RGS12: variants seen among roughly 807,000 people sequenced by gnomAD.
RGS12 encodes the protein regulator of G-protein signaling 12.
RGS12 carries 66 observed loss-of-function variants against 120.1 expected under a neutral mutation model. That is an observed-to-expected ratio of 0.55 (90% CI 0.45 to 0.67). The LOEUF (loss-of-function observed/expected upper bound fraction) is 0.67. Among genes scored for constraint, RGS12 ranks in the 30% least tolerant of loss-of-function variants. The probability of loss-of-function intolerance (pLI) is 0.00; values close to 1 mark genes in which losing one functional copy is unlikely to be tolerated. For missense variants in RGS12, 1,859 were observed against 1,957.7 expected (o/e 0.95, Z 0.95); for synonymous variants, 827 against 804.7 (o/e 1.03, Z -0.47).
At chr4:3,298,488 A>C (rs1461897962) in intron 1 of RGS12, among the ~76,000 whole-genome samples, 1 of 152,100 alleles carries the variant, frequency 6.6e-6, no homozygotes, top group Non-Finnish European at 1.5e-5. Flanking sequence ...GTAGCTGGGA[A>C]CACAAGCATG....
At position 3,316,509 on chromosome 4, in the gene RGS12, C is replaced by G; in HGVS notation, c.339C>G (p.Leu113=). 6.2e-7 allele frequency: 1 copy of G among 1,614,084 alleles called. No individual in the cohort carries two copies. The highest frequency in any genetic ancestry group is 8.5e-7 in the Non-Finnish European group (1 of 1,180,026). Residue 113 remains leucine (L), a synonymous_variant, in exon 2 of 18, where the codon CTC becomes CTG. Transcript: ENST00000336727. ...ESCSSDEEGG[L]YEGKGWLKPK... ...GTTCCAGTGATGAAGAAGGGGGACT[C>G]TATGAAGGAAAAGGCTGGCTGAAGC...
At chr4:3,410,785 G>T (rs1169356518) in intron 4 of RGS12, among the ~76,000 whole-genome samples, 1 of 152,202 alleles carries the variant, frequency 6.6e-6, no homozygotes, top group African/African-American at 2.4e-5. Context: ...GTGAACCTAC[G>T]AGTGTCCGGG....
chr4:3,394,530 C>G (rs1719856744), intron 4 of RGS12, among the ~76,000 whole-genome samples: 1 of 152,186 alleles, frequency 6.6e-6, no homozygotes, highest in African/African-American at 2.4e-5. Context: ...TGAGAATACT[C>G]TATTAGGAAT....
At chr4:3,369,085 G>A (rs894228674) in intron 3 of RGS12, among the ~76,000 whole-genome samples, 4 of 152,120 alleles carry the variant, frequency 2.6e-5, no homozygotes, top group Admixed American at 2.6e-4. Context: ...AAGTGGAGGT[G>A]GCACCCCTTT....
At chr4:3,380,939 A>G (rs1026962059) in intron 3 of RGS12, among the ~76,000 whole-genome samples, 2 of 152,110 alleles carry the variant, frequency 1.3e-5, no homozygotes, top group Non-Finnish European at 2.9e-5. Flanking sequence ...GCAGGCTTGA[A>G]TTTCTCCCCA....
chr4:3,437,606 C>G (rs1724936175), intron 17 of RGS12, among the ~76,000 whole-genome samples: 1 of 152,152 alleles, frequency 6.6e-6, no homozygotes, highest in Admixed American at 6.5e-5. Context: ...AGGGCTAGCT[C>G]CTAGCCCTGG....
chr4:3,400,878 A>G (rs144055541), intron 4 of RGS12, among the ~76,000 whole-genome samples: 37 of 150,978 alleles, frequency 2.5e-4, no homozygotes, highest in Middle Eastern at 3.5e-3. Flanking sequence ...ATATTAGAAA[A>G]ATTCCTATTA....
At chr4:3,383,076 C>A (rs1050571010) in intron 3 of RGS12, among the ~76,000 whole-genome samples, 2 of 152,078 alleles carry the variant, frequency 1.3e-5, no homozygotes, top group Non-Finnish European at 2.9e-5. Context: ...GAAGGATTTG[C>A]ATTAATATAT....
chr4:3,420,210 A>G (rs1006418052), intron 9 of RGS12, among the ~76,000 whole-genome samples: 1 of 152,174 alleles, frequency 6.6e-6, no homozygotes, highest in African/African-American at 2.4e-5. Flanking sequence ...CTGTTGCCAC[A>G]GTTGGGGGTT....
At chr4:3,430,976 C>T (rs1724238604) in intron 17 of RGS12, 21 bp downstream of exon 17, 1 of 1,610,034 alleles carries the variant, frequency 6.2e-7, no homozygotes, top group East Asian at 2.2e-5. Context: ...GTTCTGATCC[C>T]TCCACCTTGG....
chr4:3,301,628 C>T (rs1413028126), intron 1 of RGS12, among the ~76,000 whole-genome samples: 1 of 127,592 alleles, frequency 7.8e-6, no homozygotes, highest in African/African-American at 3.4e-5. Context: ...GGTCCGAGGG[C>T]CGGGGATGGA....
At chr4:3,409,938 C>G (rs1219296086) in intron 4 of RGS12, among the ~76,000 whole-genome samples, 1 of 152,210 alleles carries the variant, frequency 6.6e-6, no homozygotes, top group Non-Finnish European at 1.5e-5. Flanking sequence ...ATCACTGTCC[C>G]CCAGGGTGAA....
Position 3,423,584 on chromosome 4 carries a change from G to A in RGS12, c.3177G>A (p.Val1059=), listed in dbSNP as rs767497674. 55 of 1,612,526 alleles carry A rather than the reference G, an allele frequency of 3.4e-5. No homozygotes were observed. The highest frequency in any genetic ancestry group is 4.5e-5 in the Non-Finnish European group (53 of 1,179,962). The change falls in exon 13 of 18, where the codon GTG becomes GTA. Residue 1059 remains valine, a synonymous_variant. Coordinates refer to ENST00000336727, the MANE Select transcript of RGS12 (RefSeq NM_001394154.1). The part of the protein sequence containing the change: ...KAKPTKPVTE[V]LRPVVARYGL... ...AGCCCACCAAGCCCGTCACGGAGGT[G>A]CTGCGGCCCGTGGTGGCCAGATACG...
Position 3,422,569 on chromosome 4 carries a change from A to C in RGS12, c.3032A>C (p.Lys1011Thr). The C allele has an allele frequency of 6.2e-7, 1 of 1,611,192 alleles. No individual in the cohort carries two copies. Among genetic ancestry groups the C allele is most frequent in the Non-Finnish European group, 8.5e-7 (1 of 1,179,748 alleles). ...GACCTCTTCCTGGTGGGCGGGGACAAGGTACTGGGCCCGCCTGACCCTCGT... is the reference window on the plus strand; with the variant it reads ...GACCTCTTCCTGGTGGGCGGGGACACGGTACTGGGCCCGCCTGACCCTCGT... Reference protein sequence around the residue: ...AADLFLVGGDKPLVLHQDSSI... With the variant: ...AADLFLVGGDTPLVLHQDSSI... Residue 1011 changes from lysine (K) to threonine (T), a missense_variant and splice_region_variant, in exon 11 of 18, where the codon AAG becomes ACG. Lys to Thr is a moderately conservative substitution (Grantham distance 78). Transcript: ENST00000336727.
chr4:3,347,339 G>A (rs1713900738), intron 3 of RGS12, among the ~76,000 whole-genome samples: 1 of 152,070 alleles, frequency 6.6e-6, no homozygotes, highest in South Asian at 2.1e-4. Flanking sequence ...AGCTACTCGG[G>A]AGGGTGAGGC....
chr4:3,300,292 G>A (rs1345696177), intron 1 of RGS12, among the ~76,000 whole-genome samples: 1 of 152,200 alleles, frequency 6.6e-6, no homozygotes, highest in Non-Finnish European at 1.5e-5. Flanking sequence ...CAGTGAAGGT[G>A]CTTTAGGCAG....
chr4:3,322,674 A>T (rs1274328922), intron 2 of RGS12, among the ~76,000 whole-genome samples: 1 of 152,240 alleles, frequency 6.6e-6, no homozygotes, highest in Non-Finnish European at 1.5e-5. Context: ...TGGAAATTTT[A>T]AAAATGAAAA....
At chr4:3,384,440 C>T (rs2108957647) in intron 3 of RGS12, among the ~76,000 whole-genome samples, 1 of 152,338 alleles carries the variant, frequency 6.6e-6, no homozygotes, top group South Asian at 2.1e-4. Context: ...AGGTGTGAGC[C>T]ACTGCGCCCA....
At chr4:3,356,928 T>C (rs553012960) in intron 3 of RGS12, among the ~76,000 whole-genome samples, 2 of 152,310 alleles carry the variant, frequency 1.3e-5, no homozygotes, top group South Asian at 4.1e-4. Flanking sequence ...AATTTCTGTA[T>C]CATACGGTAG....
Sources: allele counts gnomAD v4.1 joint callset (sites outside exome capture counted in the v4.1 genomes callset), GRCh38; gene constraint gnomAD v4.1.1; transcripts MANE v1.5; gene names NCBI Gene and HGNC (gene_info 2026-07-23, HGNC 2026-07-21).